The following NCOR1 variants were observed in gnomAD, a reference collection of about 807,000 sequenced individuals.
NCOR1 encodes protein phosphatase 1, regulatory subunit 109.
NCOR1 carries 63 observed loss-of-function variants against 288.1 expected under a neutral mutation model. The observed-to-expected ratio is 0.22, with a 90% CI of 0.18 to 0.27. The LOEUF (loss-of-function observed/expected upper bound fraction) is 0.27, where lower values mean the gene tolerates loss of function less well. Among genes scored for constraint, NCOR1 ranks in the 10% least tolerant of loss-of-function variants. NCOR1 has a pLI of 1.00. For missense variants in NCOR1, 2,397 were observed against 3,019.2 expected (o/e 0.79, Z 4.83); for synonymous variants, 1,007 against 1,065.9 (o/e 0.94, Z 1.08).
chr17:16,151,356 G>C (rs1278802609), intron 8 of NCOR1, among the ~76,000 whole-genome samples: 2 of 152,080 alleles, frequency 1.3e-5, no homozygotes, highest in African/African-American at 4.8e-5. Context: ...CTACATTCTG[G>C]AGCAGCCTCG....
chr17:16,212,158 A>T (rs2092188843), intron 1 of NCOR1, among the ~76,000 whole-genome samples: 1 of 151,954 alleles, frequency 6.6e-6, no homozygotes, highest in Admixed American at 6.6e-5. Context: ...CCAGCTACTC[A>T]GGAGGCTGAG....
intron 9 of NCOR1, 87 bp from the exon 10 acceptor site, chr17:16,146,635 T>A: frequency 8.3e-7 from 1 of 1,206,226 alleles, no homozygotes; most frequent in Non-Finnish European, 1.1e-6. Flanking sequence ...TGCTACTTCT[T>A]AAGGTTAAGT....
chr17:16,155,281 G>A (rs2079541545), intron 6 of NCOR1, among the ~76,000 whole-genome samples: 1 of 151,278 alleles, frequency 6.6e-6, no homozygotes, highest in African/African-American at 2.4e-5. Context: ...AACCCGGGAG[G>A]TGGAGGTTGC....
intron 21 of NCOR1, among the ~76,000 whole-genome samples, chr17:16,096,469 C>T (rs1379060219): frequency 6.6e-6 from 1 of 152,052 alleles, no homozygotes; most frequent in Non-Finnish European, 1.5e-5. Flanking sequence ...AAATTGTATA[C>T]TGGAGTTAGC....
At chr17:16,157,254 C>A (rs1382699055) in intron 6 of NCOR1, among the ~76,000 whole-genome samples, 1 of 152,162 alleles carries the variant, frequency 6.6e-6, no homozygotes, top group Non-Finnish European at 1.5e-5. Flanking sequence ...TCCTTCCCTT[C>A]CTTTACTGGA....
At chr17:16,090,494 A>G (rs2065003858) in intron 22 of NCOR1, among the ~76,000 whole-genome samples, 1 of 152,176 alleles carries the variant, frequency 6.6e-6, no homozygotes, top group Admixed American at 6.5e-5. Flanking sequence ...TATGTCATTC[A>G]TTTATAATTC....
At chr17:16,208,230 T>C (rs2091781981) in intron 1 of NCOR1, among the ~76,000 whole-genome samples, 1 of 139,296 alleles carries the variant, frequency 7.2e-6, no homozygotes, top group Non-Finnish European at 1.5e-5. Flanking sequence ...TTTTTTTTTT[T>C]TGTATTTTTA....
chr17:16,123,226 G>A (rs1175026497), intron 15 of NCOR1, among the ~76,000 whole-genome samples: 1 of 152,054 alleles, frequency 6.6e-6, no homozygotes, highest in Non-Finnish European at 1.5e-5. Context: ...TCATCATTCA[G>A]GTTTACAGAT....
chr17:16,155,366 A>ATACAC (rs1555736105), intron 6 of NCOR1, among the ~76,000 whole-genome samples: 4 of 136,988 alleles, frequency 2.9e-5, no homozygotes, highest in African/African-American at 1.2e-4. Context: ...AAAAAAAAAA[A>ATACAC]AAATACACAC....
intron 42 of NCOR1, among the ~76,000 whole-genome samples, chr17:16,045,274 G>A (rs1217832998): frequency 6.6e-6 from 1 of 152,126 alleles, no homozygotes; most frequent in African/African-American, 2.4e-5. Context: ...ATGGACTCTG[G>A]AGTTGGAATG....
At chr17:16,128,787 T>G (rs191703245) in intron 14 of NCOR1, among the ~76,000 whole-genome samples, 1 of 152,080 alleles carries the variant, frequency 6.6e-6, no homozygotes, top group Non-Finnish European at 1.5e-5. Flanking sequence ...AAACCAACAC[T>G]TAGCTTTTTC....
At chr17:16,165,728 T>C (rs1180561388) in intron 4 of NCOR1, among the ~76,000 whole-genome samples, 2 of 152,186 alleles carry the variant, frequency 1.3e-5, no homozygotes, top group African/African-American at 4.8e-5. Context: ...CACTACAGCA[T>C]ACATAACATT....
At chr17:16,179,482 T>C (rs2153495301) in intron 3 of NCOR1, among the ~76,000 whole-genome samples, 1 of 152,112 alleles carries the variant, frequency 6.6e-6, no homozygotes, top group Admixed American at 6.6e-5. Context: ...ATCAAAAACT[T>C]CTCAACAAAG....
chr17:16,141,367 A>C lies in NCOR1; in HGVS notation c.1174-2181T>G, dbSNP rs542005389. 5.9e-5 allele frequency among the ~76,000 whole-genome samples: 9 copies of C among 152,248 alleles called. No homozygotes were observed. In the South Asian group the frequency reaches 1.9e-3, roughly 32 times the overall value. ...ATCAGAAATAAGAAAGGAAAGAAAA[A>C]CCACCTGTAGAAGTCTATTTTGATC... is the stretch of plus-strand genomic sequence containing the variant. On this transcript the variant is annotated intron_variant, in intron 11 of 45. Coordinates refer to ENST00000268712, the MANE Select transcript of NCOR1 (RefSeq NM_006311.4).
At chr17:16,140,801 G>A (rs530531203) in intron 11 of NCOR1, among the ~76,000 whole-genome samples, 2 of 148,156 alleles carry the variant, frequency 1.3e-5, no homozygotes, top group East Asian at 3.9e-4. Flanking sequence ...CTGACAGAGC[G>A]AGACGCCATC....
At chr17:16,092,652 TATATATATATATATATA>T (rs2065394964) in intron 21 of NCOR1, among the ~76,000 whole-genome samples, 1 of 11,162 alleles carries the variant, frequency 9.0e-5, no homozygotes, top group African/African-American at 4.1e-4. Flanking sequence ...TCCATTTATA[TATATATATATATATATA>T]TATATATATA....
intron 3 of NCOR1, among the ~76,000 whole-genome samples, chr17:16,185,030 G>T (rs895131484): frequency 7.1e-6 from 1 of 140,386 alleles, no homozygotes; most frequent in African/African-American, 2.6e-5. Flanking sequence ...AAAAAAAAAG[G>T]AACTATACAA....
chr17:16,088,977 T>C (rs539208685), intron 22 of NCOR1, among the ~76,000 whole-genome samples: 15 of 152,084 alleles, frequency 9.9e-5, no homozygotes, highest in Non-Finnish European at 1.8e-4. Flanking sequence ...GAAAACAGAT[T>C]TATGAAATAA....
At chr17:16,192,998 G>A (rs925541533) in intron 2 of NCOR1, among the ~76,000 whole-genome samples, 3 of 152,140 alleles carry the variant, frequency 2.0e-5, no homozygotes, top group African/African-American at 7.2e-5. Context: ...GCAGATCAGT[G>A]GTTTCCTAGG....
Sources: gnomAD v4.1 joint callset for allele counts (sites outside exome capture counted in the v4.1 genomes callset) on GRCh38, gnomAD v4.1.1 for gene constraint, MANE v1.5 for transcripts, NCBI Gene and HGNC (gene_info 2026-07-23, HGNC 2026-07-21) for gene names.